Variants in SNX30 observed in about 807,000 individuals in gnomAD.
SNX30 encodes the protein sorting nexin-30.
A neutral mutation model predicts 46.4 loss-of-function variants in SNX30; 24 were observed. That is an observed-to-expected ratio of 0.52 (90% CI 0.37 to 0.73). The LOEUF is 0.73. SNX30 is among the 30% of genes least tolerant of loss of function. The pLI is 0.00. For missense variants in SNX30, 533 were observed against 555.7 expected, an observed-to-expected ratio of 0.96 and a Z score of 0.41; for synonymous variants, 189 against 211.5, an observed-to-expected ratio of 0.89 and a Z score of 0.92.
chr9:112,780,769 A>G (rs952228195), intron 1 of SNX30, among the ~76,000 whole-genome samples: 11 of 152,208 alleles, frequency 7.2e-5, no homozygotes, highest in Non-Finnish European at 1.6e-4. Flanking sequence ...GATGAAATTC[A>G]CTAGGTATAA....
chr9:112,828,636 G>C (rs988895081), intron 3 of SNX30, among the ~76,000 whole-genome samples: 4 of 152,180 alleles, frequency 2.6e-5, no homozygotes, highest in Non-Finnish European at 4.4e-5. Flanking sequence ...GCGGAGATCT[G>C]ATCAGGGATC....
chr9:112,869,767 C>G lies in SNX30; in HGVS notation c.*924C>G, dbSNP rs538116673. The G allele has an allele frequency of 6.6e-6, 1 of 152,056 alleles. No homozygotes were observed. The highest frequency in any genetic ancestry group is 2.4e-5 in the African/African-American group (1 of 41,388). The allele number at this position is 152,056 out of a possible 1,614,324, so 9.4% of individuals were successfully genotyped here. A position where few individuals can be genotyped will look rare whatever the true frequency, so the allele number is the denominator to read the frequency against. On this transcript the variant is annotated 3_prime_UTR_variant, in exon 9 of 9. Coordinates refer to ENST00000374232, the MANE Select transcript of SNX30 (RefSeq NM_001012994.2). ...AGTGGGCATATACCAAGCTCCACCCCCAGTGTCAGCTTTGTGCAATTTGCC... is the reference window on the plus strand; with the variant it reads ...AGTGGGCATATACCAAGCTCCACCCGCAGTGTCAGCTTTGTGCAATTTGCC...
intron 2 of SNX30, 44 bp from the exon 3 acceptor site, chr9:112,817,661 T>C (rs1425864305): frequency 3.5e-6 from 4 of 1,147,106 alleles, no homozygotes; most frequent in African/African-American, 1.5e-5. Context: ...AGCCAAGATA[T>C]GCTATTCCCT....
Position 112,874,828 on chromosome 9 carries a change from C to G in SNX30, c.*5985C>G, listed in dbSNP as rs1841500274. ...GTTTTTGTCCACTTTTTTCATATAT[C>G]TGTGTATAAAAAAATTGTTGTTTAC... On this transcript the variant is annotated 3_prime_UTR_variant, in exon 9 of 9. Coordinates refer to ENST00000374232, the MANE Select transcript of SNX30 (RefSeq NM_001012994.2). 1 of 151,748 alleles carries G rather than the reference C, an allele frequency of 6.6e-6. No individual in the cohort carries two copies. The highest frequency in any genetic ancestry group is 1.5e-5 in the Non-Finnish European group (1 of 67,968). 9.4% of individuals were successfully genotyped at this position (151,748 alleles called of 1,614,324 possible).
At chr9:112,763,178 A>AT (rs1224648286) in intron 1 of SNX30, among the ~76,000 whole-genome samples, 1 of 149,808 alleles carries the variant, frequency 6.7e-6, no homozygotes, top group Admixed American at 6.7e-5. Flanking sequence ...GTATATATAT[A>AT]TTTTTTAGAG....
chr9:112,829,247 T>C (rs1425262224), intron 3 of SNX30, among the ~76,000 whole-genome samples: 1 of 152,024 alleles, frequency 6.6e-6, no homozygotes, highest in Non-Finnish European at 1.5e-5. Context: ...GCACCTGCTT[T>C]CAATTTTTTT....
chr9:112,859,492 C>T (rs1385741306), intron 7 of SNX30, among the ~76,000 whole-genome samples: 1 of 152,192 alleles, frequency 6.6e-6, no homozygotes, highest in Non-Finnish European at 1.5e-5. Context: ...CCAGCAGGAT[C>T]ATATAGTAGT....
At chr9:112,843,827 C>A (rs1840896488) in intron 6 of SNX30, among the ~76,000 whole-genome samples, 1 of 152,040 alleles carries the variant, frequency 6.6e-6, no homozygotes, top group Admixed American at 6.6e-5. Flanking sequence ...GTTGGTGAGG[C>A]TGGTCTCGAA....
chr9:112,766,831 A>C (rs1324772117), intron 1 of SNX30, among the ~76,000 whole-genome samples: 1 of 152,174 alleles, frequency 6.6e-6, no homozygotes, highest in Non-Finnish European at 1.5e-5. Context: ...CATTGTGTAT[A>C]TGTATCACAT....
intron 2 of SNX30, 26 bp downstream of exon 2, chr9:112,804,993 C>T (rs771315627): frequency 1.8e-5 from 27 of 1,531,214 alleles, no homozygotes; most frequent in Admixed American, 1.1e-4. Context: ...ATAGAATGCC[C>T]GTGTTGAGTG....
At chr9:112,837,716 C>T (rs1019065792) in intron 5 of SNX30, among the ~76,000 whole-genome samples, 1 of 151,680 alleles carries the variant, frequency 6.6e-6, no homozygotes, top group Non-Finnish European at 1.5e-5. Context: ...ACCCCATGAT[C>T]CACCCACCTC....
At chr9:112,837,313 C>G (rs1305519943) in intron 5 of SNX30, among the ~76,000 whole-genome samples, 3 of 152,018 alleles carry the variant, frequency 2.0e-5, no homozygotes, top group Middle Eastern at 3.2e-3. Context: ...ACCATCCACA[C>G]CTAAGGATCT....
intron 1 of SNX30, among the ~76,000 whole-genome samples, chr9:112,792,582 G>A (rs1840044502): frequency 6.6e-6 from 1 of 151,984 alleles, no homozygotes; most frequent in Non-Finnish European, 1.5e-5. Context: ...GAGCCACCAC[G>A]CCTGGCTAAC....
At chr9:112,790,265 C>T (rs144911735) in intron 1 of SNX30, among the ~76,000 whole-genome samples, 1 of 152,290 alleles carries the variant, frequency 6.6e-6, no homozygotes, top group Non-Finnish European at 1.5e-5. Flanking sequence ...TCACTGTGTC[C>T]TATTTAGACT....
At chr9:112,776,586 C>T (rs1231897309) in intron 1 of SNX30, among the ~76,000 whole-genome samples, 1 of 152,220 alleles carries the variant, frequency 6.6e-6, no homozygotes, top group African/African-American at 2.4e-5. Flanking sequence ...ACTTGCTCTT[C>T]TGCTACCACT....
chr9:112,757,384 CTCTA>C (rs1839367725), intron 1 of SNX30, among the ~76,000 whole-genome samples: 1 of 152,190 alleles, frequency 6.6e-6, no homozygotes, highest in South Asian at 2.1e-4. Context: ...AGTACAGTTT[CTCTA>C]TCTGTTCGTC....
intron 1 of SNX30, among the ~76,000 whole-genome samples, chr9:112,790,283 A>G (rs932530800): frequency 1.3e-5 from 2 of 152,244 alleles, no homozygotes; most frequent in African/African-American, 4.8e-5. Flanking sequence ...ACTGTTAAAA[A>G]TTATACAGAC....
chr9:112,867,236 C>T (rs1445093354), intron 8 of SNX30, among the ~76,000 whole-genome samples: 1 of 149,896 alleles, frequency 6.7e-6, no homozygotes, highest in Non-Finnish European at 1.5e-5. Flanking sequence ...AGAACTCCTG[C>T]CTCCTCAGGA....
chr9:112,805,901 A>T (rs1248544120), intron 2 of SNX30, among the ~76,000 whole-genome samples: 2 of 152,252 alleles, frequency 1.3e-5, no homozygotes, highest in Non-Finnish European at 2.9e-5. Flanking sequence ...AATTTGTAGG[A>T]CTATACAGCC....
Sources: allele counts gnomAD v4.1 joint callset (sites outside exome capture counted in the v4.1 genomes callset), GRCh38; gene constraint gnomAD v4.1.1; transcripts MANE v1.5; gene names NCBI Gene and HGNC (gene_info 2026-07-23, HGNC 2026-07-21).